The following FBXW10B variants were observed in gnomAD, a reference collection of about 807,000 sequenced individuals.
FBXW10B encodes F-box and WD repeat domain containing 10B, also known as F-box and WD repeat domain containing protein 10B.
At chr17:15,593,841 C>T in the FBXW10B span, among the ~76,000 whole-genome samples, 1 of 152,112 alleles carries the variant, frequency 6.6e-6, no homozygotes, top group African/African-American at 2.4e-5. Context: ...GTTAGTCAGG[C>T]TGGTCATGAA....
chr17:15,615,539 T>G, the FBXW10B span: 1 of 1,534,490 alleles, frequency 6.5e-7, no homozygotes. Flanking sequence ...GGTCTCGATC[T>G]CCTGACCTCA....
At chr17:15,609,852 C>CTTTTTTTTTT in the FBXW10B span, among the ~76,000 whole-genome samples, 70 of 103,188 alleles carry the variant, frequency 6.8e-4, no homozygotes, top group East Asian at 9.2e-4. Flanking sequence ...TTCTTTCTTT[C>CTTTTTTTTTT]TTTTTTTTTT....
the FBXW10B span, among the ~76,000 whole-genome samples, chr17:15,609,858 T>TTTTTC: frequency 7.5e-3 from 1,033 of 137,920 alleles, 13 homozygotes; most frequent in African/African-American, 0.027. Flanking sequence ...CTTTCTTTTT[T>TTTTTC]TTTTTTTTTT....
the FBXW10B span, among the ~76,000 whole-genome samples, chr17:15,567,287 A>G: frequency 6.8e-6 from 1 of 146,024 alleles, no homozygotes; most frequent in Non-Finnish European, 1.5e-5. Flanking sequence ...AAAAAAAAAA[A>G]CTGAGTGAAA....
At chr17:15,566,629 C>G in the FBXW10B span, among the ~76,000 whole-genome samples, 1 of 151,944 alleles carries the variant, frequency 6.6e-6, no homozygotes, top group Admixed American at 6.5e-5. Flanking sequence ...GGCATGTTCT[C>G]TGCTCACTGC....
At chr17:15,608,912 G>A in the FBXW10B span, among the ~76,000 whole-genome samples, 11 of 152,294 alleles carry the variant, frequency 7.2e-5, no homozygotes, top group South Asian at 2.1e-4. Context: ...AGTCTTGACA[G>A]GGGCGCTTTC....
the FBXW10B span, chr17:15,588,484 A>G: frequency 4.5e-6 from 1 of 222,936 alleles, no homozygotes; most frequent in Non-Finnish European, 9.0e-6. Flanking sequence ...GCATTGTCTC[A>G]GTCAGTCTTC....
the FBXW10B span, among the ~76,000 whole-genome samples, chr17:15,585,970 C>T: frequency 2.7e-5 from 4 of 147,268 alleles, no homozygotes; most frequent in African/African-American, 7.5e-5. Flanking sequence ...GAAGAAATGC[C>T]TCAGGATCTT....
chr17:15,612,214 G>A, the FBXW10B span, among the ~76,000 whole-genome samples: 35 of 152,150 alleles, frequency 2.3e-4, 1 homozygote, highest in Admixed American at 1.0e-3. Flanking sequence ...GGCTTAAGAA[G>A]AGGAAGTGTC....
chr17:15,613,708 G>A, the FBXW10B span: 5 of 1,611,530 alleles, frequency 3.1e-6, no homozygotes, highest in Non-Finnish European at 3.4e-6. Context: ...GGCTCACAGA[G>A]GCGCACTTGT....
At chr17:15,605,390 C>A in the FBXW10B span, 1 of 1,572,902 alleles carries the variant, frequency 6.4e-7, no homozygotes, top group East Asian at 2.3e-5. Context: ...TCAGATCTCC[C>A]CCGGAATAGT....
the FBXW10B span, among the ~76,000 whole-genome samples, chr17:15,601,049 C>CAAACAAAAA: frequency 3.5e-5 from 1 of 28,258 alleles, no homozygotes; most frequent in African/African-American, 1.3e-4. Flanking sequence ...GACTCCATCT[C>CAAACAAAAA]AAAAAAAAAA....
At chr17:15,603,333 C>A in the FBXW10B span, among the ~76,000 whole-genome samples, 5 of 152,030 alleles carry the variant, frequency 3.3e-5, no homozygotes. Flanking sequence ...GCTGGCCCCA[C>A]ACTGCAGATT....
the FBXW10B span, among the ~76,000 whole-genome samples, chr17:15,592,922 G>A: frequency 6.6e-6 from 1 of 151,778 alleles, no homozygotes; most frequent in East Asian, 1.9e-4. Context: ...GGCCAAGATG[G>A]TGAAACCCCG....
At chr17:15,584,508 T>C in the FBXW10B span, among the ~76,000 whole-genome samples, 6 of 152,240 alleles carry the variant, frequency 3.9e-5, no homozygotes, top group African/African-American at 1.4e-4. Context: ...TGGATGTATA[T>C]TACTTTTGTT....
chr17:15,615,736 T>C, the FBXW10B span: 214 of 1,613,716 alleles, frequency 1.3e-4, no homozygotes, highest in Non-Finnish European at 1.8e-4. Flanking sequence ...TCCAATAGAC[T>C]TGTGAGGTCG....
At chr17:15,566,371 A>G in the FBXW10B span, 2 of 1,372,510 alleles carry the variant, frequency 1.5e-6, no homozygotes, top group Non-Finnish European at 1.9e-6. Flanking sequence ...TTCAAAAAAA[A>G]GAAAATTTTA....
chr17:15,613,489 T>C, the FBXW10B span: 2 of 754,432 alleles, frequency 2.7e-6, no homozygotes, highest in Non-Finnish European at 4.1e-6. Flanking sequence ...CCAGGAAGCC[T>C]AAAAGGCCAC....
chr17:15,616,811 CAAA>C, the FBXW10B span, among the ~76,000 whole-genome samples: 3 of 64,648 alleles, frequency 4.6e-5, no homozygotes, highest in African/African-American at 6.5e-5. Flanking sequence ...GACTCTGTCT[CAAA>C]AAAAAAAAAA....
Sources: gnomAD v4.1 joint callset for allele counts (sites outside exome capture counted in the v4.1 genomes callset) on GRCh38, gnomAD v4.1.1 for gene constraint, MANE v1.5 for transcripts, NCBI Gene and HGNC (gene_info 2026-07-23, HGNC 2026-07-21) for gene names.